ARMH3: variants seen among roughly 807,000 people sequenced by gnomAD.
ARMH3 encodes armadillo-like helical domain-containing protein 3.
A neutral mutation model predicts 99.1 loss-of-function variants in ARMH3; 60 were observed. That is an observed-to-expected ratio of 0.61 (90% confidence interval 0.49 to 0.75). The LOEUF (loss-of-function observed/expected upper bound fraction) is 0.75. Among genes scored for constraint, ARMH3 ranks in the 30% least tolerant of loss-of-function variants. The probability of loss-of-function intolerance (pLI) is 0.00; values close to 1 mark genes in which losing one functional copy is unlikely to be tolerated. For synonymous variants in ARMH3, 285 were observed against 292.8 expected (o/e 0.97, Z 0.27); for missense variants, 679 against 843.1 (o/e 0.81, Z 2.41).
intron 18 of ARMH3, 92 bp from the exon 19 acceptor site, chr10:101,990,703 A>T: frequency 1.1e-6 from 1 of 938,182 alleles, no homozygotes; most frequent in Non-Finnish European, 1.7e-6. Context: ...TACACCTTGC[A>T]CTCACACTGA....
chr10:101,959,429 G>C (rs1270634774), intron 20 of ARMH3, among the ~76,000 whole-genome samples: 1 of 152,218 alleles, frequency 6.6e-6, no homozygotes, highest in East Asian at 1.9e-4. Flanking sequence ...GGGATGGGCA[G>C]CACGCTTGGC....
chr10:101,935,233 T>C (rs958700246), intron 23 of ARMH3, among the ~76,000 whole-genome samples: 2 of 147,548 alleles, frequency 1.4e-5, no homozygotes, highest in Non-Finnish European at 3.0e-5. Context: ...GACACAACTC[T>C]CCTATAGAGA....
At chr10:101,896,550 C>T (rs566705810) in intron 23 of ARMH3, among the ~76,000 whole-genome samples, 1 of 152,154 alleles carries the variant, frequency 6.6e-6, no homozygotes, top group Non-Finnish European at 1.5e-5. Context: ...ATGAACTGTA[C>T]ACTTTAAGTG....
At chr10:101,980,290 C>T (rs1011220867) in intron 19 of ARMH3, among the ~76,000 whole-genome samples, 4 of 151,944 alleles carry the variant, frequency 2.6e-5, no homozygotes, top group Admixed American at 6.6e-5. Flanking sequence ...TTTTGTCTTT[C>T]GGGGGTTTTG....
intron 20 of ARMH3, among the ~76,000 whole-genome samples, chr10:101,962,015 G>A (rs976242373): frequency 6.6e-6 from 1 of 152,142 alleles, no homozygotes; most frequent in African/African-American, 2.4e-5. Context: ...GGGCAAAAGG[G>A]CTAATACAGG....
At chr10:101,925,014 T>C (rs1026655725) in intron 23 of ARMH3, among the ~76,000 whole-genome samples, 1 of 151,674 alleles carries the variant, frequency 6.6e-6, no homozygotes, top group African/African-American at 2.4e-5. Context: ...CAAAACAAAA[T>C]AATAATAATA....
intron 2 of ARMH3, among the ~76,000 whole-genome samples, chr10:102,036,542 T>C (rs2136227830): frequency 6.6e-6 from 1 of 152,328 alleles, no homozygotes; most frequent in East Asian, 1.9e-4. Context: ...GGGGTTCTTC[T>C]GCCTTGGGAT....
At chr10:102,019,956 A>C (rs1165313931) in intron 8 of ARMH3, among the ~76,000 whole-genome samples, 1 of 151,758 alleles carries the variant, frequency 6.6e-6, no homozygotes, top group Admixed American at 6.6e-5. Context: ...TTATAGAATA[A>C]AGATATATTC....
intron 24 of ARMH3, among the ~76,000 whole-genome samples, chr10:101,864,464 T>C (rs958755360): frequency 1.3e-5 from 2 of 152,220 alleles, no homozygotes; most frequent in African/African-American, 4.8e-5. Flanking sequence ...TGCGGCATTA[T>C]TCACAATAGC....
chr10:101,990,262 C>T (rs1033566803), intron 19 of ARMH3, among the ~76,000 whole-genome samples: 2 of 150,544 alleles, frequency 1.3e-5, no homozygotes, highest in Non-Finnish European at 2.9e-5. Flanking sequence ...CAGCTGACTG[C>T]AAGCTCCGCC....
intron 20 of ARMH3, among the ~76,000 whole-genome samples, chr10:101,966,121 T>A (rs565612674): frequency 1.4e-4 from 20 of 146,058 alleles, no homozygotes; most frequent in South Asian, 8.9e-4. Context: ...TTTTTTTTTT[T>A]AGACAGAGTC....
chr10:101,945,900 T>G (rs2135747108), intron 22 of ARMH3, among the ~76,000 whole-genome samples: 1 of 150,506 alleles, frequency 6.6e-6, no homozygotes, highest in South Asian at 2.1e-4. Flanking sequence ...CTGGCCAACA[T>G]GACAAAACCC....
chr10:102,048,096 A>G (rs1053664480), intron 1 of ARMH3, among the ~76,000 whole-genome samples: 15 of 152,362 alleles, frequency 9.8e-5, no homozygotes, highest in African/African-American at 3.6e-4. Flanking sequence ...CTTAAACCAG[A>G]CTTGGAAAAG....
At chr10:102,051,750 A>G (rs1044048749) in intron 1 of ARMH3, among the ~76,000 whole-genome samples, 1 of 152,230 alleles carries the variant, frequency 6.6e-6, no homozygotes, top group African/African-American at 2.4e-5. Flanking sequence ...GGTATCAGCC[A>G]GTCTGTACCT....
At chr10:102,021,578 C>T (rs999489091) in intron 8 of ARMH3, among the ~76,000 whole-genome samples, 5 of 149,894 alleles carry the variant, frequency 3.3e-5, no homozygotes, top group Non-Finnish European at 5.9e-5. Context: ...GACGGAGTCT[C>T]GCTCTGTCAC....
chr10:102,038,282 G>A (rs2067325806), intron 2 of ARMH3, among the ~76,000 whole-genome samples: 1 of 151,722 alleles, frequency 6.6e-6, no homozygotes, highest in African/African-American at 2.4e-5. Context: ...TTTTAGTAGA[G>A]ACAGGGTTTC....
intron 1 of ARMH3, among the ~76,000 whole-genome samples, chr10:102,042,902 G>A (rs938117024): frequency 2.6e-5 from 4 of 152,090 alleles, no homozygotes; most frequent in African/African-American, 7.2e-5. Context: ...CAGAAACCCC[G>A]TCTCTACTAA....
intron 23 of ARMH3, among the ~76,000 whole-genome samples, chr10:101,925,352 C>T: frequency 6.6e-6 from 1 of 152,148 alleles, no homozygotes; most frequent in East Asian, 1.9e-4. Context: ...CAGACCCTAA[C>T]ACCATATTTT....
intron 23 of ARMH3, among the ~76,000 whole-genome samples, chr10:101,932,774 G>A (rs1023687558): frequency 1.3e-5 from 2 of 152,220 alleles, no homozygotes; most frequent in Admixed American, 6.5e-5. Context: ...GGAATAGGGA[G>A]TTTGTATTTA....
Sources: gnomAD v4.1 joint callset for allele counts (sites outside exome capture counted in the v4.1 genomes callset) on GRCh38, gnomAD v4.1.1 for gene constraint, MANE v1.5 for transcripts, NCBI Gene and HGNC (gene_info 2026-07-23, HGNC 2026-07-21) for gene names.